The following SFMBT2 variants were observed in gnomAD, a reference collection of about 807,000 sequenced individuals.
SFMBT2 encodes Scm like with four mbt domains 2, also known as scm-like with four MBT domains protein 2.
A neutral mutation model predicts 110.1 loss-of-function variants in SFMBT2; 38 were observed. That is an observed-to-expected ratio of 0.35 (90% CI 0.27 to 0.45). SFMBT2 has a LOEUF of 0.45. Among genes scored for constraint, SFMBT2 ranks in the 20% least tolerant of loss-of-function variants. The probability of loss-of-function intolerance (pLI) is 1.00; values close to 1 mark genes in which losing one functional copy is unlikely to be tolerated. For synonymous variants in SFMBT2, 425 were observed against 425.4 expected (o/e 1.00, Z 0.01); for missense variants, 1,011 against 1,094.9 (o/e 0.92, Z 1.08).
intron 9 of SFMBT2, among the ~76,000 whole-genome samples, chr10:7,240,466 C>CA (rs946258993): frequency 1.1e-4 from 17 of 151,598 alleles, no homozygotes; most frequent in South Asian, 4.2e-4. Flanking sequence ...AATAATGCTG[C>CA]AAAAAAAACA....
chr10:7,405,536 G>A (rs1403026539), intron 1 of SFMBT2, among the ~76,000 whole-genome samples: 1 of 152,194 alleles, frequency 6.6e-6, no homozygotes, highest in African/African-American at 2.4e-5. Context: ...CTCAGCTGCT[G>A]CCTTCACAAG....
chr10:7,169,327 G>A (rs1415268559), intron 20 of SFMBT2, among the ~76,000 whole-genome samples: 1 of 152,150 alleles, frequency 6.6e-6, no homozygotes, highest in African/African-American at 2.4e-5. Context: ...GTTGTCAATA[G>A]GATGAACTAC....
chr10:7,297,209 T>G (rs1344715454), intron 4 of SFMBT2, among the ~76,000 whole-genome samples: 2 of 152,204 alleles, frequency 1.3e-5, no homozygotes, highest in Non-Finnish European at 2.9e-5. Context: ...AGGCCATGCC[T>G]TTGAGAGTGC....
intron 10 of SFMBT2, among the ~76,000 whole-genome samples, chr10:7,223,924 T>G (rs991731309): frequency 6.6e-6 from 1 of 152,368 alleles, no homozygotes; most frequent in South Asian, 2.1e-4. Flanking sequence ...AAAGGACCAC[T>G]GCTTTACATC....
At position 7,202,534 on chromosome 10, in the gene SFMBT2, G is replaced by C. The variant is rs1458825813; in HGVS notation, c.1445-12C>G. On this transcript the variant is annotated splice_polypyrimidine_tract_variant and intron_variant, in intron 12 of 20. Transcript: ENST00000397167. ...TCTCTTCTTTTGTGCTGTAGAAAAG[G>C]CAAAACGGAAAAAGAAAATCAGCTT... 6.2e-7 allele frequency: 1 copy of C among 1,613,938 alleles called. No homozygotes were observed. The highest frequency in any genetic ancestry group is 1.3e-5 in the African/African-American group (1 of 74,880).
chr10:7,248,300 A>T (rs1000378811), intron 8 of SFMBT2, among the ~76,000 whole-genome samples: 2 of 152,262 alleles, frequency 1.3e-5, no homozygotes, highest in African/African-American at 4.8e-5. Flanking sequence ...GTGGACAACT[A>T]TCAGAAGACA....
At chr10:7,302,793 T>C (rs1041807368) in intron 4 of SFMBT2, among the ~76,000 whole-genome samples, 2 of 152,194 alleles carry the variant, frequency 1.3e-5, no homozygotes, top group Admixed American at 6.5e-5. Context: ...ACAAGCTGCA[T>C]TTGGTTTGTA....
At chr10:7,394,307 C>T (rs1204719203) in intron 1 of SFMBT2, among the ~76,000 whole-genome samples, 1 of 151,914 alleles carries the variant, frequency 6.6e-6, no homozygotes, top group Non-Finnish European at 1.5e-5. Flanking sequence ...CTCTATAAGG[C>T]CTGTGCGTCG....
In SFMBT2 at chr10:7,349,440, C is replaced by CTTTTTTTTTTTTTTT. The variant is rs369479041; in HGVS notation, c.436+18194_436+18208dup. Among the ~76,000 whole-genome samples, 164 of 46,890 alleles carry CTTTTTTTTTTTTTTT rather than the reference C, an allele frequency of 3.5e-3. 37 individuals carry two copies. The highest frequency in any genetic ancestry group is 7.8e-3 in the African/African-American group (86 of 10,992). 30.8% of individuals were successfully genotyped at this position (46,890 alleles called of 152,430 possible). On this transcript the variant is annotated intron_variant, in intron 4 of 20. Coordinates refer to ENST00000397167, the MANE Select transcript of SFMBT2 (RefSeq NM_001387889.1). ...CCCTGACTCTTTTTTCTTTTCTTTT[C>CTTTTTTTTTTTTTTT]TTTTTTTTTTTTTTTTTTTTTTTTT...
intron 4 of SFMBT2, among the ~76,000 whole-genome samples, chr10:7,311,158 C>A (rs764891429): frequency 6.6e-6 from 1 of 150,380 alleles, no homozygotes; most frequent in Non-Finnish European, 1.5e-5. Context: ...CTGTTTCATT[C>A]TAAATCTTAA....
At chr10:7,356,399 T>C (rs1844513487) in intron 4 of SFMBT2, among the ~76,000 whole-genome samples, 1 of 151,912 alleles carries the variant, frequency 6.6e-6, no homozygotes, top group African/African-American at 2.4e-5. Context: ...CTGCGTTTTG[T>C]TGTTGTTGTT....
At chr10:7,326,860 G>T (rs1843400069) in intron 4 of SFMBT2, among the ~76,000 whole-genome samples, 1 of 152,134 alleles carries the variant, frequency 6.6e-6, no homozygotes, top group South Asian at 2.1e-4. Flanking sequence ...TTCCAAAGCT[G>T]CTCTTAAAAC....
chr10:7,164,632 TA>T (rs1242403931), intron 20 of SFMBT2, among the ~76,000 whole-genome samples: 1 of 152,072 alleles, frequency 6.6e-6, no homozygotes, highest in African/African-American at 2.4e-5. Context: ...GAATCTCTAC[TA>T]AAAGACAAGG....
chr10:7,198,709 C>T (rs527759731), intron 14 of SFMBT2, among the ~76,000 whole-genome samples: 1 of 152,306 alleles, frequency 6.6e-6, no homozygotes, highest in East Asian at 1.9e-4. Flanking sequence ...TCTCCAATGC[C>T]ATGGGCAAGC....
At chr10:7,339,738 G>C (rs1426352849) in intron 4 of SFMBT2, among the ~76,000 whole-genome samples, 1 of 152,192 alleles carries the variant, frequency 6.6e-6, no homozygotes, top group Non-Finnish European at 1.5e-5. Context: ...TCGTCATTCA[G>C]AGCAAGCACT....
At chr10:7,216,179 C>T (rs1033690791) in intron 11 of SFMBT2, among the ~76,000 whole-genome samples, 38 of 152,196 alleles carry the variant, frequency 2.5e-4, no homozygotes, top group African/African-American at 7.7e-4. Context: ...TGACTGCAGC[C>T]GACCCCGCTC....
At chr10:7,232,382 A>T (rs1297221990) in intron 9 of SFMBT2, among the ~76,000 whole-genome samples, 1 of 152,216 alleles carries the variant, frequency 6.6e-6, no homozygotes, top group Non-Finnish European at 1.5e-5. Flanking sequence ...CTAAAAACTG[A>T]AAAAGGTGTT....
At chr10:7,353,574 T>G (rs1844397554) in intron 4 of SFMBT2, among the ~76,000 whole-genome samples, 1 of 152,118 alleles carries the variant, frequency 6.6e-6, no homozygotes, top group South Asian at 2.1e-4. Flanking sequence ...CCTCAAGCTT[T>G]CTTGTTCATA....
At chr10:7,336,929 A>C (rs923825921) in intron 4 of SFMBT2, among the ~76,000 whole-genome samples, 1 of 152,230 alleles carries the variant, frequency 6.6e-6, no homozygotes, top group African/African-American at 2.4e-5. Flanking sequence ...AGAAAAACTC[A>C]GAGAACCAAG....
Sources: gnomAD v4.1 joint callset for allele counts (sites outside exome capture counted in the v4.1 genomes callset) on GRCh38, gnomAD v4.1.1 for gene constraint, MANE v1.5 for transcripts, NCBI Gene and HGNC (gene_info 2026-07-23, HGNC 2026-07-21) for gene names.